M1AP: variants seen among roughly 807,000 people sequenced by gnomAD.
M1AP encodes meiosis 1 arrest protein.
M1AP carries 39 observed loss-of-function variants against 51.2 expected under a neutral mutation model. The ratio of observed to expected loss-of-function variants is 0.76; its 90% CI spans 0.59 to 1.00. M1AP has a LOEUF of 1.00. Ranked by LOEUF, M1AP falls within the 50% of genes least tolerant of loss-of-function variation. The probability of loss-of-function intolerance (pLI) is 0.00; values close to 1 mark genes in which losing one functional copy is unlikely to be tolerated. For missense variants in M1AP, 545 were observed against 641.2 expected (o/e 0.85, Z 1.62); for synonymous variants, 251 against 249.2 (o/e 1.01, Z -0.07).
chr2:74,646,202 G>A (rs116123815), intron 1 of M1AP, among the ~76,000 whole-genome samples: 2,375 of 152,188 alleles, frequency 0.016, 76 homozygotes, highest in African/African-American at 0.055. Flanking sequence ...TAGTTGTGTC[G>A]CCTCCTTGTC....
chr2:74,578,596 T>C (rs545902118), intron 5 of M1AP, among the ~76,000 whole-genome samples: 1 of 152,172 alleles, frequency 6.6e-6, no homozygotes, highest in Non-Finnish European at 1.5e-5. Flanking sequence ...CCAGGTGTGC[T>C]TCTCCCACCC....
At chr2:74,558,964 T>C in intron 10 of M1AP, 90 bp from the exon 11 acceptor site, 1 of 1,283,278 alleles carries the variant, frequency 7.8e-7, no homozygotes, top group Non-Finnish European at 1.0e-6. Context: ...CCTAACTCTT[T>C]CCTAAGTTCA....
chr2:74,579,107 AC>A (rs905699843), intron 5 of M1AP, among the ~76,000 whole-genome samples: 28 of 152,288 alleles, frequency 1.8e-4, no homozygotes, highest in African/African-American at 6.5e-4. Flanking sequence ...CATCCCGAAG[AC>A]CTACAGATTT....
chr2:74,624,744 C>T (rs1051355095), intron 2 of M1AP, among the ~76,000 whole-genome samples: 1 of 152,094 alleles, frequency 6.6e-6, no homozygotes, highest in Non-Finnish European at 1.5e-5. Flanking sequence ...CAATACTTTT[C>T]TGTATCTTGC....
rs188473535 is a variant in M1AP, at chr2:74,588,366, A to G, written c.596-6519T>C. Among the ~76,000 whole-genome samples the G allele has an allele frequency of 9.8e-4, 150 of 152,376 alleles. 1 individual carries two copies. The highest frequency in any genetic ancestry group is 3.4e-3 in the African/African-American group (143 of 41,586). On this transcript the variant is annotated intron_variant, in intron 4 of 10. Transcript: ENST00000421985. ...ACTACAGAGACTATAGAGTCACAGT[A>G]TCTTAGCCTGCCTGGGTTGGTTTAC...
Position 74,576,563 on chromosome 2 carries a change from G to A in M1AP, c.825C>T (p.Gly275=). ...ERLLCPSLLA[G]TADGSLRMDD... ...CCATTCTCAAGGAGCCGTCAGCTGT[G>A]CCAGCGAGTAGGGATGGGCAGAGCA... is the stretch of plus-strand genomic sequence containing the variant. The change falls in exon 6 of 11, where the codon GGC becomes GGT. Residue 275 remains glycine (G), a synonymous_variant. Transcript: ENST00000421985. 1 of 1,614,120 alleles carries A rather than the reference G, an allele frequency of 6.2e-7. No individual in the cohort carries two copies. The highest frequency in any genetic ancestry group is 8.5e-7 in the Non-Finnish European group (1 of 1,179,986).
intron 4 of M1AP, among the ~76,000 whole-genome samples, chr2:74,590,558 G>A (rs1212511409): frequency 6.6e-6 from 1 of 152,092 alleles, no homozygotes; most frequent in Non-Finnish European, 1.5e-5. Context: ...GATGAATTGG[G>A]TAAGAAAAAG....
chr2:74,644,043 GAAAAC>G (rs1013421741), intron 1 of M1AP, among the ~76,000 whole-genome samples: 24 of 151,816 alleles, frequency 1.6e-4, no homozygotes, highest in African/African-American at 5.8e-4. Flanking sequence ...ACAATCAAAA[GAAAAC>G]AAAAGAAATA....
At chr2:74,603,723 T>C (rs1006457666) in intron 4 of M1AP, among the ~76,000 whole-genome samples, 2 of 152,144 alleles carry the variant, frequency 1.3e-5, no homozygotes, top group East Asian at 3.9e-4. Flanking sequence ...CTAAGGCTGG[T>C]TGCCTTCCCT....
chr2:74,573,359 T>C (rs1018137887), intron 7 of M1AP, among the ~76,000 whole-genome samples: 5 of 150,736 alleles, frequency 3.3e-5, no homozygotes, highest in African/African-American at 1.2e-4. Context: ...CAGCCTATTA[T>C]AACTATTTTT....
At chr2:74,614,656 C>A (rs1681559037) in intron 3 of M1AP, among the ~76,000 whole-genome samples, 1 of 152,202 alleles carries the variant, frequency 6.6e-6, no homozygotes, top group African/African-American at 2.4e-5. Context: ...TTAACATTTT[C>A]TTTACAACTT....
In M1AP at chr2:74,558,741, C is replaced by T; in HGVS notation, c.1568G>A (p.Trp523Ter). The change falls in exon 11 of 11, where the codon TGG becomes TAG. Residue 523 changes from tryptophan to a stop codon, truncating the protein, a stop_gained. Transcript: ENST00000421985. LOFTEE classifies it high-confidence loss of function. Reference sequence around the variant, plus strand: ...TTAGGGCCTTGAGGGATCCTTCTCCCACTCTGAAGGCAGGAAGAAGGCATC... The same window carrying T: ...TTAGGGCCTTGAGGGATCCTTCTCCTACTCTGAAGGCAGGAAGAAGGCATC... Reference protein sequence around the residue: ...SSDAFFLPSEWEKDPSRP With the variant: ...SSDAFFLPSE 6.2e-7 allele frequency: 1 copy of T among 1,612,700 alleles called. No homozygotes were observed.
At chr2:74,602,758 G>C (rs1680745212) in intron 4 of M1AP, among the ~76,000 whole-genome samples, 1 of 152,194 alleles carries the variant, frequency 6.6e-6, no homozygotes, top group South Asian at 2.1e-4. Context: ...AACCCACAAA[G>C]AGGAATTACA....
intron 2 of M1AP, among the ~76,000 whole-genome samples, chr2:74,623,673 A>C (rs1363019191): frequency 6.6e-6 from 1 of 152,116 alleles, no homozygotes. Context: ...ATTTAATTAA[A>C]CTAATTAATT....
At position 74,607,090 on chromosome 2, in the gene M1AP, T is replaced by G. The variant is rs373264487; in HGVS notation, c.560A>C (p.Asp187Ala). The change falls in exon 4 of 11, where the codon GAC becomes GCC. Residue 187 changes from aspartate (D) to alanine (A), a missense_variant. By Grantham distance (126) the Asp-to-Ala change is moderately radical. Coordinates refer to ENST00000421985, the MANE Select transcript of M1AP (RefSeq NM_001321739.2). Reference protein sequence around the residue: ...EVTKGILEHVDSASPVEDTSN... With the variant: ...EVTKGILEHVASASPVEDTSN... ...GGTATCCTCAACAGGAGACGCTGAG[T>G]CCACGTGCTCTAGGATTCCCTTTGT... 1 of 1,614,114 alleles carries G rather than the reference T, an allele frequency of 6.2e-7. No individual in the cohort carries two copies. Among genetic ancestry groups the G allele is most frequent in the Non-Finnish European group, 8.5e-7 (1 of 1,179,994 alleles).
chr2:74,578,036 A>G lies in M1AP; in HGVS notation c.770-1418T>C, dbSNP rs116376516. ...TAGATCCCTTGCATGTGTAGTTCACAATAGGGTTTGGGCTTCTATGAGAAT... is the reference window on the plus strand; with the variant it reads ...TAGATCCCTTGCATGTGTAGTTCACGATAGGGTTTGGGCTTCTATGAGAAT... On this transcript the variant is annotated intron_variant, in intron 5 of 10. Transcript: ENST00000421985. Among the ~76,000 whole-genome samples, 1,515 of 152,334 alleles carry G rather than the reference A, an allele frequency of 9.9e-3. 30 individuals carry two copies. Among genetic ancestry groups the G allele is most frequent in the African/African-American group, 0.035 (1,435 of 41,574 alleles).
At chr2:74,596,102 G>A (rs1304095967) in intron 4 of M1AP, among the ~76,000 whole-genome samples, 2 of 152,160 alleles carry the variant, frequency 1.3e-5, no homozygotes, top group African/African-American at 4.8e-5. Context: ...TAAAATGGTA[G>A]ACCTGAGTCC....
chr2:74,632,696 T>G (rs1217549299), intron 2 of M1AP, among the ~76,000 whole-genome samples: 2 of 152,170 alleles, frequency 1.3e-5, no homozygotes, highest in South Asian at 2.1e-4. Flanking sequence ...GCTTATACTA[T>G]TACTGTAAAT....
In M1AP at chr2:74,576,495, G is replaced by A; in HGVS notation, c.893C>T (p.Ser298Phe). 1 of 1,613,956 alleles carries A rather than the reference G, an allele frequency of 6.2e-7. No individual in the cohort carries two copies. The highest frequency in any genetic ancestry group is 8.5e-7 in the Non-Finnish European group (1 of 1,179,946). ...CTTGTAATGAGAGGCCGATGACTGG[G>A]AAGCCATCTGGTAGAGTGTGATGAA... ...GDFITLYQMA[S>F]QSSASHYKLQ... Residue 298 changes from serine to phenylalanine, a missense_variant, in exon 6 of 11, where the codon TCC (serine) becomes TTC (phenylalanine). Coordinates refer to ENST00000421985, the MANE Select transcript of M1AP (RefSeq NM_001321739.2).
Sources: gnomAD v4.1 joint callset for allele counts (sites outside exome capture counted in the v4.1 genomes callset) on GRCh38, gnomAD v4.1.1 for gene constraint, MANE v1.5 for transcripts, NCBI Gene and HGNC (gene_info 2026-07-23, HGNC 2026-07-21) for gene names.